NCAM2: variants seen among roughly 807,000 people sequenced by gnomAD.
NCAM2 encodes the protein neural cell adhesion molecule 2.
In NCAM2, 30 loss-of-function variants were observed where a neutral mutation model predicts 98.1. That is an observed-to-expected ratio of 0.31 (90% CI 0.23 to 0.41). The LOEUF is 0.41. Among genes scored for constraint, NCAM2 ranks in the 10% least tolerant of loss-of-function variants. The pLI is 1.00. For synonymous variants in NCAM2, 368 were observed against 342.4 expected (o/e 1.07, Z -0.83); for missense variants, 867 against 1,005.8 (o/e 0.86, Z 1.87).
At chr21:21,520,657 C>T (rs765375253) in intron 16 of NCAM2, among the ~76,000 whole-genome samples, 12 of 152,112 alleles carry the variant, frequency 7.9e-5, no homozygotes, top group African/African-American at 1.2e-4. Flanking sequence ...CTGAAATCAA[C>T]AATTCTTAGA....
intron 1 of NCAM2, among the ~76,000 whole-genome samples, chr21:21,230,360 T>C (rs1024443163): frequency 6.6e-6 from 1 of 151,242 alleles, no homozygotes; most frequent in African/African-American, 2.4e-5. Flanking sequence ...TTGTTTGATT[T>C]TAATGTCCTG....
rs1341322232 is a variant in NCAM2 at position 21,202,438 on chromosome 21, C to T, written c.56-78140C>T. ...TTTTTTTTTTTTTTTTTTTCTGAGG[C>T]GGAGTTTTGCTTTTGTTGCCCAGGC... is the stretch of plus-strand genomic sequence containing the variant. On this transcript the variant is annotated intron_variant, in intron 1 of 17. Transcript: ENST00000400546. Among the ~76,000 whole-genome samples, 8 of 35,522 alleles carry T rather than the reference C, an allele frequency of 2.3e-4. No homozygotes were observed. The East Asian group carries it at 3.4e-3, about 15-fold the overall frequency. The allele number at this position is 35,522 out of a possible 152,430, so 23.3% of individuals were successfully genotyped here.
intron 11 of NCAM2, among the ~76,000 whole-genome samples, chr21:21,429,229 T>C (rs1340326494): frequency 4.6e-5 from 7 of 152,212 alleles, no homozygotes; most frequent in Admixed American, 6.5e-5. Flanking sequence ...TTGATGATGG[T>C]GGCTTTGTGC....
At chr21:21,480,730 C>T (rs367661870) in intron 15 of NCAM2, among the ~76,000 whole-genome samples, 4 of 152,252 alleles carry the variant, frequency 2.6e-5, no homozygotes, top group Non-Finnish European at 4.4e-5. Context: ...GTAAGAGCAA[C>T]TGATGGATGA....
At chr21:21,221,467 G>A (rs1383031913) in intron 1 of NCAM2, among the ~76,000 whole-genome samples, 3 of 392 alleles carry the variant, frequency 7.7e-3, no homozygotes, top group African/African-American at 0.014. Context: ...GAGTTTTGGA[G>A]GAAACTAAAA....
Position 21,425,040 on chromosome 21 carries a change from CAAAAAAAAAAAAAAAAA to C in NCAM2, c.1480+6483_1480+6499del, listed in dbSNP as rs1192128472. Reference sequence around the variant, plus strand: ...GACAAAAGCGGGACTCTTCCTCCTCCAAAAAAAAAAAAAAAAAAAAAAAAAAAATTCATCATGTTTAC... The same window carrying C: ...GACAAAAGCGGGACTCTTCCTCCTCCAAAAAAAAAAATTCATCATGTTTAC... On this transcript the variant is annotated intron_variant, in intron 11 of 17. Transcript: ENST00000400546. Among the ~76,000 whole-genome samples, 3 of 43,854 alleles carry C rather than the reference CAAAAAAAAAAAAAAAAA, an allele frequency of 6.8e-5. 1 individual carries two copies. Among genetic ancestry groups the C allele is most frequent in the Non-Finnish European group, 1.3e-4 (3 of 22,846 alleles). 28.8% of individuals were successfully genotyped at this position (43,854 alleles called of 152,430 possible). A position where few individuals can be genotyped will look rare whatever the true frequency, so the allele number is the denominator to read the frequency against.
At chr21:21,530,910 C>T (rs946806849) in intron 16 of NCAM2, among the ~76,000 whole-genome samples, 7 of 151,896 alleles carry the variant, frequency 4.6e-5, no homozygotes, top group African/African-American at 1.7e-4. Flanking sequence ...TATTCCAATT[C>T]ATGGCTGCAA....
intron 1 of NCAM2, among the ~76,000 whole-genome samples, chr21:21,034,228 A>G (rs1245451416): frequency 6.6e-6 from 1 of 152,224 alleles, no homozygotes; most frequent in African/African-American, 2.4e-5. Context: ...TCTGTATGGC[A>G]TAATCGTCTC....
chr21:21,486,264 A>T (rs564658452), intron 15 of NCAM2, among the ~76,000 whole-genome samples: 1 of 131,632 alleles, frequency 7.6e-6, no homozygotes, highest in Non-Finnish European at 1.6e-5. Context: ...AGATCGCGCC[A>T]CTGCACTCCA....
intron 15 of NCAM2, among the ~76,000 whole-genome samples, chr21:21,508,421 T>C (rs1010236487): frequency 1.3e-5 from 2 of 152,114 alleles, no homozygotes; most frequent in African/African-American, 4.8e-5. Flanking sequence ...TATTTAACAC[T>C]TTTCACAGAA....
In NCAM2 at chr21:21,436,146, T is replaced by C. The variant is rs1978319906; in HGVS notation, c.1654+3865T>C. 3.3e-5 allele frequency among the ~76,000 whole-genome samples: 5 copies of C among 152,262 alleles called. No individual in the cohort carries two copies. In the South Asian group the frequency reaches 1.0e-3, roughly 31 times the overall value. ...AATGTGATGTTAATAGTCATAATTA[T>C]ATTTACTGTAAATTGACAGGAATGA... is the stretch of plus-strand genomic sequence containing the variant. On this transcript the variant is annotated intron_variant, in intron 12 of 17. Transcript: ENST00000400546.
At chr21:21,363,787 A>G (rs978932109) in intron 8 of NCAM2, among the ~76,000 whole-genome samples, 2 of 152,080 alleles carry the variant, frequency 1.3e-5, no homozygotes, top group Non-Finnish European at 2.9e-5. Flanking sequence ...AGCATTGTAT[A>G]TTTTATCCCA....
At chr21:21,200,358 C>T (rs17003825) in intron 1 of NCAM2, among the ~76,000 whole-genome samples, 2,092 of 146,266 alleles carry the variant, frequency 0.014, 54 homozygotes, top group African/African-American at 0.049. Flanking sequence ...TATAGTCCGT[C>T]AACTCTCAGG....
At chr21:21,492,662 T>A (rs1204331448) in intron 15 of NCAM2, among the ~76,000 whole-genome samples, 1 of 151,864 alleles carries the variant, frequency 6.6e-6, no homozygotes, top group Non-Finnish European at 1.5e-5. Context: ...AAAAGTAAGA[T>A]ATTTTCATCT....
At chr21:21,104,136 T>C (rs1815902493) in intron 1 of NCAM2, among the ~76,000 whole-genome samples, 1 of 152,168 alleles carries the variant, frequency 6.6e-6, no homozygotes, top group African/African-American at 2.4e-5. Context: ...GAAAAATACA[T>C]ATGTTATGAT....
intron 9 of NCAM2, among the ~76,000 whole-genome samples, chr21:21,394,399 A>T (rs903621047): frequency 6.6e-6 from 1 of 151,804 alleles, no homozygotes; most frequent in Admixed American, 6.6e-5. Flanking sequence ...AATGACTGAA[A>T]AAAAAGAACA....
intron 1 of NCAM2, among the ~76,000 whole-genome samples, chr21:21,191,997 G>A (rs533308801): frequency 3.3e-5 from 5 of 152,078 alleles, no homozygotes; most frequent in Admixed American, 2.6e-4. Flanking sequence ...CGAGGCAGGC[G>A]GATCACCTGA....
chr21:21,133,341 A>AG (rs2146621311), intron 1 of NCAM2, among the ~76,000 whole-genome samples: 1 of 152,316 alleles, frequency 6.6e-6, no homozygotes, highest in East Asian at 1.9e-4. Flanking sequence ...AGTAGCAGCC[A>AG]TATCTGGGAT....
chr21:21,418,606 A>G (rs764313791), intron 11 of NCAM2, 37 bp downstream of exon 11: 6 of 1,399,094 alleles, frequency 4.3e-6, no homozygotes, highest in African/African-American at 1.4e-5. Context: ...ATCGCACACA[A>G]TATTTCTGAG....
Sources: allele counts gnomAD v4.1 joint callset (sites outside exome capture counted in the v4.1 genomes callset), GRCh38; gene constraint gnomAD v4.1.1; transcripts MANE v1.5; gene names NCBI Gene and HGNC (gene_info 2026-07-23, HGNC 2026-07-21).